CAMKMT: variants seen among roughly 807,000 people sequenced by gnomAD.
CAMKMT encodes CaM KMT.
Under a neutral mutation model 48.0 loss-of-function variants are expected in CAMKMT, and 53 were observed. The ratio of observed to expected loss-of-function variants is 1.10; its 90% CI spans 0.89 to 1.39. CAMKMT has a LOEUF of 1.39. Ranked by LOEUF, CAMKMT falls within the 40% of genes most tolerant of loss-of-function variation. The pLI, the probability that CAMKMT is intolerant of heterozygous loss-of-function variation, is 0.00. For synonymous variants in CAMKMT, 165 were observed against 152.3 expected (o/e 1.08, Z -0.61); for missense variants, 428 against 402.7 (o/e 1.06, Z -0.54).
At chr2:44,378,186 T>G (rs1679888645) in intron 2 of CAMKMT, among the ~76,000 whole-genome samples, 2 of 152,204 alleles carry the variant, frequency 1.3e-5, no homozygotes, top group Admixed American at 1.3e-4. Flanking sequence ...TTGTGTCACA[T>G]TTTTATGGAT....
At chr2:44,617,456 A>G (rs1178456716) in intron 3 of CAMKMT, among the ~76,000 whole-genome samples, 1 of 152,246 alleles carries the variant, frequency 6.6e-6, no homozygotes, top group Non-Finnish European at 1.5e-5. Context: ...AGAGTTATCC[A>G]GTAATCTTTT....
intron 1 of CAMKMT, among the ~76,000 whole-genome samples, chr2:44,370,434 T>C (rs1038083680): frequency 2.6e-5 from 4 of 152,206 alleles, no homozygotes; most frequent in Non-Finnish European, 5.9e-5. Flanking sequence ...GTCCATTTCA[T>C]CTAAATTTTT....
intron 3 of CAMKMT, among the ~76,000 whole-genome samples, chr2:44,502,180 C>T (rs1670039971): frequency 6.6e-6 from 1 of 152,008 alleles, no homozygotes; most frequent in South Asian, 2.1e-4. Context: ...AAGATCGCAC[C>T]ACTACACTCC....
intron 3 of CAMKMT, among the ~76,000 whole-genome samples, chr2:44,480,403 A>C (rs1010649189): frequency 1.5e-4 from 23 of 152,184 alleles, no homozygotes; most frequent in Admixed American, 1.5e-3. Context: ...ACATTAAAAA[A>C]ATTTTCCCTG....
intron 3 of CAMKMT, among the ~76,000 whole-genome samples, chr2:44,456,374 C>T (rs986625281): frequency 5.3e-5 from 8 of 152,124 alleles, no homozygotes; most frequent in Admixed American, 1.3e-4. Context: ...AATAGGTTAT[C>T]AGGTGACATT....
At chr2:44,593,228 G>A (rs960091678) in intron 3 of CAMKMT, among the ~76,000 whole-genome samples, 1 of 152,154 alleles carries the variant, frequency 6.6e-6, no homozygotes, top group African/African-American at 2.4e-5. Context: ...AGTTTTTCTT[G>A]TCAGACTGGC....
At chr2:44,638,584 G>C (rs757652539) in intron 3 of CAMKMT, among the ~76,000 whole-genome samples, 13 of 152,166 alleles carry the variant, frequency 8.5e-5, no homozygotes, top group Admixed American at 6.5e-5. Context: ...TGGGGCCAAG[G>C]CTTCTCAAGG....
chr2:44,705,919 A>T (rs894474875), intron 4 of CAMKMT, among the ~76,000 whole-genome samples: 2 of 152,168 alleles, frequency 1.3e-5, no homozygotes, highest in African/African-American at 2.4e-5. Flanking sequence ...GAAGGAATGA[A>T]TGTGGATTAA....
intron 3 of CAMKMT, among the ~76,000 whole-genome samples, chr2:44,656,411 A>G (rs1377518093): frequency 2.6e-5 from 4 of 152,168 alleles, no homozygotes. Context: ...TATGTTTAGA[A>G]GGCCCTGGCT....
At chr2:44,606,579 T>C (rs560317274) in intron 3 of CAMKMT, among the ~76,000 whole-genome samples, 62 of 152,330 alleles carry the variant, frequency 4.1e-4, no homozygotes, top group African/African-American at 1.4e-3. Flanking sequence ...GAAAACTAAA[T>C]ATATCCAGCT....
intron 3 of CAMKMT, among the ~76,000 whole-genome samples, chr2:44,540,056 A>G (rs1226848220): frequency 1.3e-5 from 2 of 152,094 alleles, no homozygotes; most frequent in African/African-American, 4.8e-5. Context: ...GCCCAAATCA[A>G]TTATTAATAT....
intron 3 of CAMKMT, among the ~76,000 whole-genome samples, chr2:44,593,340 C>T (rs76500181): frequency 0.014 from 2,094 of 152,282 alleles, 47 homozygotes; most frequent in African/African-American, 0.048. Context: ...TTCTCAGATA[C>T]ATGTGCTTAT....
chr2:44,673,614 C>T (rs1675491644), intron 3 of CAMKMT, among the ~76,000 whole-genome samples: 2 of 152,034 alleles, frequency 1.3e-5, no homozygotes, highest in African/African-American at 4.8e-5. Context: ...GAGGGGTTCT[C>T]ATTTGGTGGC....
At chr2:44,428,668 A>G (rs1397942545) in intron 3 of CAMKMT, among the ~76,000 whole-genome samples, 2 of 152,138 alleles carry the variant, frequency 1.3e-5, no homozygotes, top group Non-Finnish European at 2.9e-5. Context: ...ATGTTTGTGT[A>G]TATGTATATT....
At chr2:44,654,228 G>A (rs1219185886) in intron 3 of CAMKMT, among the ~76,000 whole-genome samples, 2 of 151,918 alleles carry the variant, frequency 1.3e-5, no homozygotes, top group Non-Finnish European at 2.9e-5. Flanking sequence ...CAGTTGTGGG[G>A]GAATGTAATT....
chr2:44,522,679 A>G (rs541416830), intron 3 of CAMKMT, among the ~76,000 whole-genome samples: 23 of 152,296 alleles, frequency 1.5e-4, no homozygotes, highest in African/African-American at 5.5e-4. Flanking sequence ...CCTTGAAGGC[A>G]TTTCTTAATT....
chr2:44,590,046 C>T (rs1365621472), intron 3 of CAMKMT, among the ~76,000 whole-genome samples: 1 of 151,416 alleles, frequency 6.6e-6, no homozygotes, highest in Non-Finnish European at 1.5e-5. Context: ...TCTGTACATT[C>T]CATCAAATTT....
chr2:44,665,397 G>A (rs538766410), intron 3 of CAMKMT, among the ~76,000 whole-genome samples: 12 of 152,144 alleles, frequency 7.9e-5, no homozygotes, highest in Non-Finnish European at 1.8e-4. Context: ...GTGCAGCCAT[G>A]GGCTGAGACC....
At chr2:44,589,908 A>AAAG (rs749334705) in intron 3 of CAMKMT, among the ~76,000 whole-genome samples, 9 of 83,866 alleles carry the variant, frequency 1.1e-4, no homozygotes, top group African/African-American at 4.1e-4. Context: ...AAAAAAAAAA[A>AAAG]GAACGAAAAA....
Sources: allele counts gnomAD v4.1 joint callset (sites outside exome capture counted in the v4.1 genomes callset), GRCh38; gene constraint gnomAD v4.1.1; transcripts MANE v1.5; gene names NCBI Gene and HGNC (gene_info 2026-07-23, HGNC 2026-07-21).